Variants in SPIRE1 observed in about 807,000 individuals in gnomAD.
The protein encoded by SPIRE1 is spire type actin nucleation factor 1, also known as protein spire homolog 1.
Under a neutral mutation model 94.1 loss-of-function variants are expected in SPIRE1, and 40 were observed. The observed-to-expected ratio is 0.43, with a 90% CI of 0.33 to 0.55. The LOEUF (loss-of-function observed/expected upper bound fraction) is 0.55, where lower values mean the gene tolerates loss of function less well. Ranked by LOEUF, SPIRE1 falls within the 20% of genes least tolerant of loss-of-function variation. SPIRE1 has a pLI of 0.06. For synonymous variants in SPIRE1, 376 were observed against 371.7 expected, an observed-to-expected ratio of 1.01 and a Z score of -0.13; for missense variants, 838 against 975.2, an observed-to-expected ratio of 0.86 and a Z score of 1.87.
rs538817025 is a variant in SPIRE1 at position 12,482,417 on chromosome 18, A to C, written c.1232-2546T>G. Among the ~76,000 whole-genome samples, 36 of 152,298 alleles carry C rather than the reference A, an allele frequency of 2.4e-4. No homozygotes were observed. In the East Asian group the frequency reaches 5.8e-3, roughly 24 times the overall value. ...CTCAGCCTCCCAAAGTGCTGGGATTACAGGCATGAGACACCGCACCAGGCC... is the reference window on the plus strand; with the variant it reads ...CTCAGCCTCCCAAAGTGCTGGGATTCCAGGCATGAGACACCGCACCAGGCC... On this transcript the variant is annotated intron_variant, in intron 9 of 16. Coordinates refer to ENST00000409402, the MANE Select transcript of SPIRE1 (RefSeq NM_001128626.2).
At chr18:12,590,417 G>C (rs1237548837) in intron 2 of SPIRE1, among the ~76,000 whole-genome samples, 1 of 152,024 alleles carries the variant, frequency 6.6e-6, no homozygotes, top group Non-Finnish European at 1.5e-5. Flanking sequence ...AATGAGTTAT[G>C]TCCTGAAGTT....
At chr18:12,553,744 A>G (rs1013555936) in intron 2 of SPIRE1, among the ~76,000 whole-genome samples, 1 of 152,202 alleles carries the variant, frequency 6.6e-6, no homozygotes, top group East Asian at 1.9e-4. Flanking sequence ...AACTAAAAAA[A>G]CTTCAAATAA....
At position 12,657,910 on chromosome 18, in the gene SPIRE1, C is replaced by T. The variant is rs1178189425; in HGVS notation, c.-44G>A. The T allele has an allele frequency of 5.8e-6, 6 of 1,027,480 alleles. No homozygotes were observed. Among genetic ancestry groups the T allele is most frequent in the Non-Finnish European group, 7.0e-6 (6 of 860,056 alleles). 63.6% of individuals were successfully genotyped at this position (1,027,480 alleles called of 1,614,324 possible). Reference sequence around the variant, plus strand: ...GCTCGGCAGTCGCGCCGTGTGCCGGCGTCTCCTCAGCTCCGGAGCATCGTC... The same window carrying T: ...GCTCGGCAGTCGCGCCGTGTGCCGGTGTCTCCTCAGCTCCGGAGCATCGTC... On this transcript the variant is annotated 5_prime_UTR_variant, in exon 1 of 17. Transcript: ENST00000409402.
At position 12,478,645 on chromosome 18, in the gene SPIRE1, T is replaced by C. The variant is rs995140625; in HGVS notation, c.1404+1054A>G. 4.6e-5 allele frequency among the ~76,000 whole-genome samples: 7 copies of C among 150,918 alleles called. No individual in the cohort carries two copies. The East Asian group carries it at 1.4e-3, about 30-fold the overall frequency. On this transcript the variant is annotated intron_variant, in intron 10 of 16. Coordinates refer to ENST00000409402, the MANE Select transcript of SPIRE1 (RefSeq NM_001128626.2). ...CGCGCGCATGCGTATGTAGCTAGGG[T>C]AGGTGTGTGTGTTTGATTTGGCAAG...
intron 2 of SPIRE1, among the ~76,000 whole-genome samples, chr18:12,583,830 T>C (rs2036321053): frequency 1.3e-5 from 2 of 150,786 alleles, no homozygotes; most frequent in Non-Finnish European, 1.5e-5. Context: ...AAAGCTGAGA[T>C]GGGAGGATCA....
intron 2 of SPIRE1, among the ~76,000 whole-genome samples, chr18:12,554,574 T>C (rs74495115): frequency 0.063 from 9,534 of 152,182 alleles, 440 homozygotes; most frequent in Non-Finnish European, 0.096. Context: ...AAAGAAGAAC[T>C]AATACCAATC....
intron 2 of SPIRE1, among the ~76,000 whole-genome samples, chr18:12,617,546 G>A (rs573517346): frequency 7.2e-5 from 11 of 152,106 alleles, no homozygotes; most frequent in Non-Finnish European, 7.4e-5. Context: ...GAGTAGCTGG[G>A]ATTATAGGCG....
chr18:12,657,452 G>T, intron 1 of SPIRE1, 78 bp downstream of exon 1: 2 of 1,133,960 alleles, frequency 1.8e-6, no homozygotes, highest in Non-Finnish European at 2.2e-6. Flanking sequence ...GGGCGGAAGG[G>T]CCGGGGACGC....
intron 10 of SPIRE1, among the ~76,000 whole-genome samples, chr18:12,470,640 T>C (rs1273000414): frequency 1.3e-5 from 2 of 152,166 alleles, no homozygotes; most frequent in Non-Finnish European, 2.9e-5. Flanking sequence ...TGTGCATATG[T>C]GTGGGTACAT....
chr18:12,553,631 G>T (rs933264201), intron 2 of SPIRE1, among the ~76,000 whole-genome samples: 1 of 152,104 alleles, frequency 6.6e-6, no homozygotes, highest in African/African-American at 2.4e-5. Flanking sequence ...TGACCAGACA[G>T]CATCTCTAGA....
intron 6 of SPIRE1, among the ~76,000 whole-genome samples, chr18:12,504,969 A>G (rs1436252024): frequency 6.6e-6 from 1 of 152,190 alleles, no homozygotes; most frequent in East Asian, 1.9e-4. Context: ...GCTAACAAGC[A>G]GAACCCTGCA....
chr18:12,549,308 A>G (rs1449096670), intron 2 of SPIRE1, among the ~76,000 whole-genome samples: 2 of 152,122 alleles, frequency 1.3e-5, no homozygotes, highest in Non-Finnish European at 2.9e-5. Context: ...AAGGCTGAGA[A>G]GGTCTTGTTG....
intron 2 of SPIRE1, among the ~76,000 whole-genome samples, chr18:12,626,245 AG>A (rs2144770417): frequency 6.6e-6 from 1 of 152,278 alleles, no homozygotes; most frequent in African/African-American, 2.4e-5. Context: ...AAATTGATAT[AG>A]CCCTGTTTGG....
rs1259631246 is a variant in SPIRE1, at chr18:12,525,293, AAAAAAT to A, written c.729+10177_729+10182del. On this transcript the variant is annotated intron_variant, in intron 4 of 16. Coordinates refer to ENST00000409402, the MANE Select transcript of SPIRE1 (RefSeq NM_001128626.2). ...CTCCGTCTCAAAAAAAAAAAAAAAA[AAAAAAT>A]AATAATAATAATAATAATAACAAAG... is the stretch of plus-strand genomic sequence containing the variant. Among the ~76,000 whole-genome samples, 4 of 144,150 alleles carry A rather than the reference AAAAAAT, an allele frequency of 2.8e-5. No homozygotes were observed. In the East Asian group the frequency reaches 6.0e-4, roughly 22 times the overall value. 94.6% of individuals were successfully genotyped at this position (144,150 alleles called of 152,430 possible). A position where few individuals can be genotyped will look rare whatever the true frequency, so the allele number is the denominator to read the frequency against.
intron 2 of SPIRE1, among the ~76,000 whole-genome samples, chr18:12,615,349 T>A (rs868819838): frequency 0.072 from 1,079 of 14,942 alleles, 13 homozygotes; most frequent in Middle Eastern, 0.11. Flanking sequence ...AAAAAAAATA[T>A]ATATATATAT....
chr18:12,588,616 A>C (rs2036448733), intron 2 of SPIRE1, among the ~76,000 whole-genome samples: 1 of 151,674 alleles, frequency 6.6e-6, no homozygotes, highest in South Asian at 2.1e-4. Context: ...AAAAAAAAAA[A>C]AAAAAAAAAC....
At chr18:12,572,852 A>C (rs2035991797) in intron 2 of SPIRE1, among the ~76,000 whole-genome samples, 1 of 152,206 alleles carries the variant, frequency 6.6e-6, no homozygotes, top group African/African-American at 2.4e-5. Flanking sequence ...ATGAATCTAG[A>C]CATGGACCTT....
At chr18:12,569,235 C>T (rs936224435) in intron 2 of SPIRE1, among the ~76,000 whole-genome samples, 4 of 151,226 alleles carry the variant, frequency 2.6e-5, no homozygotes, top group Non-Finnish European at 2.9e-5. Context: ...CCCAGCTACT[C>T]GGGAGGCTGA....
Position 12,529,239 on chromosome 18 carries a change from G to A in SPIRE1, c.729+6237C>T, listed in dbSNP as rs1486512723. Among the ~76,000 whole-genome samples the A allele has an allele frequency of 5.3e-5, 8 of 152,058 alleles. 1 individual carries two copies. The highest frequency in any genetic ancestry group is 1.0e-4 in the Non-Finnish European group (7 of 67,996). On this transcript the variant is annotated intron_variant, in intron 4 of 16. Transcript: ENST00000409402. ...AAAAAATTAGCCGGACGTGGTGGCG[G>A]GCGCCTGTAGTCCCAGCTACTCTGG...
Sources: allele counts gnomAD v4.1 joint callset (sites outside exome capture counted in the v4.1 genomes callset), GRCh38; gene constraint gnomAD v4.1.1; transcripts MANE v1.5; gene names NCBI Gene and HGNC (gene_info 2026-07-23, HGNC 2026-07-21).